CTNNA2: variants seen among roughly 807,000 people sequenced by gnomAD.
The protein encoded by CTNNA2 is catenin alpha 2.
CTNNA2 carries 42 observed loss-of-function variants against 101.0 expected under a neutral mutation model. The ratio of observed to expected loss-of-function variants is 0.42; its 90% CI spans 0.32 to 0.54. The LOEUF (loss-of-function observed/expected upper bound fraction) is 0.54. CTNNA2 is among the 20% of genes least tolerant of loss of function. The pLI, the probability that CTNNA2 is intolerant of heterozygous loss-of-function variation, is 0.14. For synonymous variants in CTNNA2, 450 were observed against 456.4 expected (o/e 0.99, Z 0.18); for missense variants, 871 against 1,223.1 (o/e 0.71, Z 4.29).
Position 79,215,757 on chromosome 2 carries a change from G to T in CTNNA2, c.-406+17681G>T, listed in dbSNP as rs190799631. ...GCCACCTTTTTAAGAGGAAATTGCT[G>T]GGCAGGTGGGGGAGGGCTAGTCACA... On this transcript the variant is annotated intron_variant, in intron 2 of 21. Transcript: ENST00000466387. 9.9e-5 allele frequency among the ~76,000 whole-genome samples: 15 copies of T among 152,222 alleles called. 1 individual carries two copies. The highest frequency in any genetic ancestry group is 3.6e-4 in the African/African-American group (15 of 41,526).
intron 4 of CTNNA2, among the ~76,000 whole-genome samples, chr2:79,464,342 C>T (rs915426543): frequency 6.6e-6 from 1 of 152,158 alleles, no homozygotes; most frequent in Non-Finnish European, 1.5e-5. Flanking sequence ...CATAGTATTC[C>T]ATGGTGTATA....
chr2:80,513,793 A>C (rs1279654689), intron 9 of CTNNA2, among the ~76,000 whole-genome samples: 3 of 152,348 alleles, frequency 2.0e-5, no homozygotes, highest in Non-Finnish European at 4.4e-5. Flanking sequence ...GCTGTGAAAG[A>C]AGAGGAGAGT....
chr2:80,425,840 GT>G (rs1680942944), intron 9 of CTNNA2, among the ~76,000 whole-genome samples: 2 of 152,100 alleles, frequency 1.3e-5, no homozygotes, highest in Admixed American at 1.3e-4. Flanking sequence ...AGCAAGGACA[GT>G]TTTAGTATAT....
intron 12 of CTNNA2, among the ~76,000 whole-genome samples, chr2:80,556,248 G>T (rs1188322547): frequency 6.6e-6 from 1 of 152,212 alleles, no homozygotes; most frequent in Non-Finnish European, 1.5e-5. Context: ...AGACTGGAAT[G>T]AGGTCACAAG....
chr2:79,825,211 T>C (rs904338607), intron 3 of CTNNA2, among the ~76,000 whole-genome samples: 3 of 151,994 alleles, frequency 2.0e-5, no homozygotes, highest in Non-Finnish European at 4.4e-5. Context: ...GTTGATGGCA[T>C]AAGAGAGACA....
At chr2:80,609,610 GC>G (rs1315315539) in intron 17 of CTNNA2, among the ~76,000 whole-genome samples, 3 of 151,824 alleles carry the variant, frequency 2.0e-5, no homozygotes, top group South Asian at 2.1e-4. Context: ...TCAAATCATT[GC>G]ATCTTCCTTG....
At chr2:79,472,365 T>C (rs1314644254) in intron 4 of CTNNA2, among the ~76,000 whole-genome samples, 2 of 152,160 alleles carry the variant, frequency 1.3e-5, no homozygotes, top group African/African-American at 4.8e-5. Context: ...GGTGGCCTAC[T>C]CCTAGGGCAT....
At chr2:79,907,427 A>G (rs1040009833) in intron 6 of CTNNA2, among the ~76,000 whole-genome samples, 1 of 152,272 alleles carries the variant, frequency 6.6e-6, no homozygotes, top group African/African-American at 2.4e-5. Flanking sequence ...TGTGAGAGAA[A>G]GAGAGATGGT....
At chr2:80,271,241 A>G (rs1021961854) in intron 7 of CTNNA2, among the ~76,000 whole-genome samples, 9 of 152,136 alleles carry the variant, frequency 5.9e-5, no homozygotes, top group African/African-American at 2.2e-4. Flanking sequence ...TATTTGTAAC[A>G]TATGTAGTGG....
At chr2:79,411,412 T>C (rs1678408957) in intron 4 of CTNNA2, among the ~76,000 whole-genome samples, 1 of 152,066 alleles carries the variant, frequency 6.6e-6, no homozygotes, top group Admixed American at 6.6e-5. Flanking sequence ...ATTTTGGATC[T>C]TTCCTGCTTT....
chr2:79,485,234 C>T (rs1440935620), intron 4 of CTNNA2, among the ~76,000 whole-genome samples: 3 of 151,756 alleles, frequency 2.0e-5, no homozygotes, highest in Non-Finnish European at 4.4e-5. Flanking sequence ...AAAAAAAATA[C>T]AATTTTTCTT....
intron 4 of CTNNA2, among the ~76,000 whole-genome samples, chr2:79,502,503 C>T (rs1230340300): frequency 1.3e-5 from 2 of 152,122 alleles, no homozygotes; most frequent in Non-Finnish European, 2.9e-5. Flanking sequence ...TTGAGAAATG[C>T]ATTAGTGAGA....
At chr2:79,595,421 T>C (rs1306393917) in intron 1 of CTNNA2, among the ~76,000 whole-genome samples, 2 of 152,196 alleles carry the variant, frequency 1.3e-5, no homozygotes, top group Non-Finnish European at 2.9e-5. Flanking sequence ...AAATATTTCC[T>C]AGATGTGAAC....
intron 8 of CTNNA2, among the ~76,000 whole-genome samples, chr2:80,415,173 G>T (rs994791984): frequency 6.6e-6 from 1 of 152,162 alleles, no homozygotes; most frequent in Non-Finnish European, 1.5e-5. Flanking sequence ...AGAACACTAG[G>T]CAGTTTTCCT....
At chr2:79,978,707 A>C (rs2104600500) in intron 7 of CTNNA2, among the ~76,000 whole-genome samples, 1 of 152,298 alleles carries the variant, frequency 6.6e-6, no homozygotes, top group African/African-American at 2.4e-5. Context: ...CCAACTACTG[A>C]TGAGGAGCAG....
chr2:80,330,404 C>A (rs1019401945), intron 7 of CTNNA2, among the ~76,000 whole-genome samples: 1 of 152,080 alleles, frequency 6.6e-6, no homozygotes, highest in African/African-American at 2.4e-5. Context: ...AGATTAAGCC[C>A]TGAGGAGGTT....
intron 18 of CTNNA2, 31 bp from the exon 19 acceptor site, chr2:80,647,554 C>T (rs1674244382): frequency 6.4e-7 from 1 of 1,553,292 alleles, no homozygotes; most frequent in South Asian, 1.2e-5. Context: ...CTCCATTAAC[C>T]CACATGTATC....
Position 79,470,659 on chromosome 2 carries a change from G to A in CTNNA2, c.-134-34395G>A, listed in dbSNP as rs527752440. On this transcript the variant is annotated intron_variant, in intron 4 of 21. Transcript: ENST00000466387. ...CTGGATGTTTTGTCTTCCTAGGAATGCATCACAGAATCATAGATGAATCAC... is the reference window on the plus strand; with the variant it reads ...CTGGATGTTTTGTCTTCCTAGGAATACATCACAGAATCATAGATGAATCAC... 1.1e-3 allele frequency among the ~76,000 whole-genome samples: 163 copies of A among 152,254 alleles called. 1 individual carries two copies. The highest frequency in any genetic ancestry group is 1.5e-3 in the Non-Finnish European group (104 of 68,022).
At chr2:79,399,461 T>C (rs1678267205) in intron 4 of CTNNA2, among the ~76,000 whole-genome samples, 1 of 152,062 alleles carries the variant, frequency 6.6e-6, no homozygotes, top group Admixed American at 6.6e-5. Context: ...ACCCAACACA[T>C]ATTGGTTCAA....
Sources: allele counts gnomAD v4.1 joint callset (sites outside exome capture counted in the v4.1 genomes callset), GRCh38; gene constraint gnomAD v4.1.1; transcripts MANE v1.5; gene names NCBI Gene and HGNC (gene_info 2026-07-23, HGNC 2026-07-21).